ZAN: variants seen among roughly 807,000 people sequenced by gnomAD.
The protein encoded by ZAN is zonadhesin.
Under a neutral mutation model 286.2 loss-of-function variants are expected in ZAN, and 260 were observed. That is an observed-to-expected ratio of 0.91 (90% CI 0.82 to 1.01). The LOEUF (loss-of-function observed/expected upper bound fraction) is 1.01. ZAN is among the 50% of genes least tolerant of loss of function. ZAN has a pLI of 0.00. For missense variants in ZAN, 3,410 were observed against 3,639.2 expected (o/e 0.94, Z 1.62); for synonymous variants, 1,368 against 1,417.5 (o/e 0.97, Z 0.79).
chr7:100,745,066 TAGAG>T (rs1368098656), intron 7 of ZAN, among the ~76,000 whole-genome samples: 1 of 151,612 alleles, frequency 6.6e-6, no homozygotes, highest in Non-Finnish European at 1.5e-5. Context: ...GTACTTTTAG[TAGAG>T]ACGGGATTTC....
At chr7:100,759,633 CTCCCTGCG>C in intron 17 of ZAN, 80 bp from the exon 18 acceptor site, 6 of 1,415,200 alleles carry the variant, frequency 4.2e-6, no homozygotes, top group East Asian at 2.7e-5. Context: ...GCGCTCATCT[CTCCCTGCG>C]GCGCCAGGCT....
chr7:100,738,706 G>A lies in ZAN; in HGVS notation c.766+93G>A. 3 of 1,281,998 alleles carry A rather than the reference G, an allele frequency of 2.3e-6. 1 individual carries two copies. The highest frequency in any genetic ancestry group is 3.2e-6 in the Non-Finnish European group (3 of 934,518). 79.4% of individuals were successfully genotyped at this position (1,281,998 alleles called of 1,614,324 possible). ...GGACGGTCTGTCATGAACACCTACA[G>A]CTTCAAGCCTCTTACCAGCTCAAGT... On this transcript the variant is annotated intron_variant, in intron 7 of 47. Coordinates refer to ENST00000613979, the MANE Select transcript of ZAN (RefSeq NM_003386.3).
At chr7:100,778,735 C>T (rs1810983054) in intron 34 of ZAN, among the ~76,000 whole-genome samples, 1 of 151,974 alleles carries the variant, frequency 6.6e-6, no homozygotes, top group Admixed American at 6.6e-5. Context: ...TTGGGAGCAC[C>T]AGATCATTGT....
At chr7:100,756,456 G>A (rs530735583) in intron 15 of ZAN, among the ~76,000 whole-genome samples, 1 of 151,400 alleles carries the variant, frequency 6.6e-6, no homozygotes, top group Non-Finnish European at 1.5e-5. Flanking sequence ...AGTGCATTAA[G>A]CTATTCATTA....
chr7:100,793,605 T>A (rs1812142152), intron 42 of ZAN, among the ~76,000 whole-genome samples: 1 of 151,894 alleles, frequency 6.6e-6, no homozygotes, highest in East Asian at 1.9e-4. Context: ...GCCCGGCTCA[T>A]TTTTGTATTT....
chr7:100,792,645 G>C lies in ZAN; in HGVS notation c.7787+166G>C, dbSNP rs538201534. The C allele has an allele frequency of 2.1e-6, 3 of 1,411,080 alleles. No homozygotes were observed. The South Asian group carries it at 4.6e-5, about 22-fold the overall frequency. The allele number at this position is 1,411,080 out of a possible 1,614,324, so 87.4% of individuals were successfully genotyped here. On this transcript the variant is annotated intron_variant, in intron 42 of 47. Transcript: ENST00000613979. ...GCCTCATCTCGGGCTTTCTGTCTTA[G>C]TCCCATCATCCCTCGAATTTCTGCC...
At chr7:100,794,890 A>G (rs929385853) in intron 44 of ZAN, among the ~76,000 whole-genome samples, 8 of 143,942 alleles carry the variant, frequency 5.6e-5, no homozygotes, top group Admixed American at 3.5e-4. Context: ...GGAGGAAAGG[A>G]AGGGAGGGAG....
intron 34 of ZAN, among the ~76,000 whole-genome samples, chr7:100,777,850 C>G (rs1043478815): frequency 6.6e-6 from 1 of 152,012 alleles, no homozygotes; most frequent in Non-Finnish European, 1.5e-5. Flanking sequence ...CCTCGGCCCC[C>G]CAAAGTGCTG....
intron 45 of ZAN, among the ~76,000 whole-genome samples, chr7:100,796,133 C>T (rs1812348993): frequency 6.6e-6 from 1 of 151,972 alleles, no homozygotes; most frequent in Non-Finnish European, 1.5e-5. Context: ...CTGTGCCCAT[C>T]TCCTACCTAT....
intron 39 of ZAN, among the ~76,000 whole-genome samples, chr7:100,789,626 A>G (rs929780483): frequency 2.0e-5 from 3 of 152,046 alleles, no homozygotes; most frequent in African/African-American, 7.2e-5. Flanking sequence ...CCTGGGGAAC[A>G]TAGTGAGACC....
rs1344102261 is a variant in ZAN at position 100,788,001 on chromosome 7, G to A, written c.7092G>A (p.Leu2364=). 1.5e-5 allele frequency: 24 copies of A among 1,600,352 alleles called. No individual in the cohort carries two copies. The highest frequency in any genetic ancestry group is 2.1e-5 in the Non-Finnish European group (24 of 1,170,618). The change falls in exon 38 of 48, where the codon CTG becomes CTA. Residue 2364 remains leucine (L), a synonymous_variant. Transcript: ENST00000613979. ...TTCTGATCAAGACTGTGGACGTACT[G>A]CCTGAGGGGGTGGAGCCCCTCCTCG... is the stretch of plus-strand genomic sequence containing the variant. ...TYVLIKTVDV[L]PEGVEPLLVE...
At chr7:100,779,295 C>CAT in intron 34 of ZAN, 151 bp from the exon 35 acceptor site, 1 of 789,692 alleles carries the variant, frequency 1.3e-6, no homozygotes, top group Non-Finnish European at 2.0e-6. Context: ...ATCGCTTGAA[C>CAT]ATGGGAGGGA....
At chr7:100,790,353 G>A (rs1016838377) in intron 39 of ZAN, among the ~76,000 whole-genome samples, 3 of 150,810 alleles carry the variant, frequency 2.0e-5, no homozygotes, top group Non-Finnish European at 4.4e-5. Flanking sequence ...ACGAGGTCAG[G>A]AGATCGAGAC....
chr7:100,745,727 A>G (rs2115730464), intron 7 of ZAN, among the ~76,000 whole-genome samples: 1 of 151,358 alleles, frequency 6.6e-6, no homozygotes, highest in African/African-American at 2.4e-5. Flanking sequence ...ATCTCTTAAA[A>G]AAAAAAAAAT....
chr7:100,793,844 T>C lies in ZAN; in HGVS notation c.7812T>C (p.His2604=). The C allele has an allele frequency of 6.2e-7, 1 of 1,608,632 alleles. No individual in the cohort carries two copies. The highest frequency in any genetic ancestry group is 1.1e-5 in the South Asian group (1 of 90,504). ...LSGHGVSSRY[H]ISELYDTLPS... ...GCCATGGAGTGTCCAGCAGGTACCA[T>C]ATATCAGAGCTGTATGACACCCTGC... Residue 2604 remains histidine, a synonymous_variant, in exon 43 of 48, where the codon CAT becomes CAC. Coordinates refer to ENST00000613979, the MANE Select transcript of ZAN (RefSeq NM_003386.3).
At position 100,759,299 on chromosome 7, in the gene ZAN, G is replaced by A. The variant is rs369086457; in HGVS notation, c.3572-422G>A. On this transcript the variant is annotated intron_variant, in intron 17 of 47. Transcript: ENST00000613979. ...GACACACCTATAGTCCCAGCTAGTC[G>A]GGAGGATGAGGCAGGAGGATCGCTT... Among the ~76,000 whole-genome samples the A allele has an allele frequency of 8.5e-5, 13 of 152,086 alleles. No individual in the cohort carries two copies. The East Asian group carries it at 1.5e-3, about 18-fold the overall frequency.
chr7:100,770,737 C>G (rs1168653140), intron 28 of ZAN, among the ~76,000 whole-genome samples: 1 of 151,956 alleles, frequency 6.6e-6, no homozygotes, highest in African/African-American at 2.4e-5. Flanking sequence ...TCACTGCAGG[C>G]TTGAACTCCT....
chr7:100,749,687 CATATATATACACACAT>C (rs1030283435), intron 11 of ZAN, among the ~76,000 whole-genome samples: 1 of 136,006 alleles, frequency 7.4e-6, no homozygotes, highest in Non-Finnish European at 1.6e-5. Flanking sequence ...CACACACACA[CATATATATACACACAT>C]ATATATATAC....
chr7:100,737,184 G>A (rs562932336), intron 5 of ZAN, 78 bp from the exon 6 acceptor site: 4 of 1,419,540 alleles, frequency 2.8e-6, no homozygotes, highest in African/African-American at 2.9e-5. Context: ...CAAGCCATCT[G>A]AATTCAGGAA....
Sources: allele counts gnomAD v4.1 joint callset (sites outside exome capture counted in the v4.1 genomes callset), GRCh38; gene constraint gnomAD v4.1.1; transcripts MANE v1.5; gene names NCBI Gene and HGNC (gene_info 2026-07-23, HGNC 2026-07-21).